FMN2: variants seen among roughly 807,000 people sequenced by gnomAD.
FMN2 encodes the protein formin 2, also known as formin-2.
FMN2 carries 51 observed loss-of-function variants against 142.3 expected under a neutral mutation model. That is an observed-to-expected ratio of 0.36 (90% confidence interval 0.29 to 0.45). FMN2 has a LOEUF of 0.45. Ranked by LOEUF, FMN2 falls within the 20% of genes least tolerant of loss-of-function variation. The pLI, the probability that FMN2 is intolerant of heterozygous loss-of-function variation, is 1.00. For synonymous variants in FMN2, 882 were observed against 869.8 expected, an observed-to-expected ratio of 1.01 and a Z score of -0.25; for missense variants, 1,936 against 2,122.8, an observed-to-expected ratio of 0.91 and a Z score of 1.73.
chr1:240,221,918 G>A (rs1292409112), intron 6 of FMN2, among the ~76,000 whole-genome samples: 1 of 147,320 alleles, frequency 6.8e-6, no homozygotes, highest in Non-Finnish European at 1.5e-5. Context: ...CGCAATCTCA[G>A]CTCACTACAA....
At chr1:240,419,857 T>A (rs1047347537) in intron 15 of FMN2, among the ~76,000 whole-genome samples, 1 of 152,166 alleles carries the variant, frequency 6.6e-6, no homozygotes, top group Admixed American at 6.5e-5. Flanking sequence ...CAGCCACCTG[T>A]AGCCTCCTGT....
Position 240,207,657 on chromosome 1 carries a change from C to T in FMN2, c.2845C>T (p.Pro949Ser). 2.0e-6 allele frequency: 3 copies of T among 1,501,344 alleles called. No individual in the cohort carries two copies. The highest frequency in any genetic ancestry group is 4.9e-5 in the East Asian group (2 of 41,204). The allele number at this position is 1,501,344 out of a possible 1,614,324, so 93.0% of individuals were successfully genotyped here. The change falls in exon 5 of 18, where the codon CCC becomes TCC. Residue 949 changes from proline to serine, a missense_variant. Around this residue, in one of 8 missense-constraint regions of FMN2, gnomAD observed 63 missense variants for 86.3 expected, o/e 0.73. Coordinates refer to ENST00000319653, the MANE Select transcript of FMN2 (RefSeq NM_020066.5). ...GAGIPPPPPL[P>S]GAAIPPPPPL... ...GGGAATACCTCCTCCGCCCCCTCTA[C>T]CCGGAGCGGCAATACCCCCTCCGCC...
Position 240,207,546 on chromosome 1 carries a change from C to T in FMN2, c.2734C>T (p.Pro912Ser), listed in dbSNP as rs186784023. The T allele has an allele frequency of 6.2e-7, 1 of 1,612,966 alleles. No homozygotes were observed. The highest frequency in any genetic ancestry group is 8.5e-7 in the Non-Finnish European group (1 of 1,179,736). ...LQGTEMLPPPPPPLPGAGIPP... is the reference protein window; with the variant it reads ...LQGTEMLPPPSPPLPGAGIPP... Reference sequence around the variant, plus strand: ...GGGTACAGAAATGCTGCCACCCCCTCCCCCTCCTCTTCCCGGAGCGGGCAT... The same window carrying T: ...GGGTACAGAAATGCTGCCACCCCCTTCCCCTCCTCTTCCCGGAGCGGGCAT... Residue 912 changes from proline to serine, a missense_variant, in exon 5 of 18, where the codon CCC becomes TCC. Around this residue, in one of 8 missense-constraint regions of FMN2, gnomAD observed 478 missense variants for 462.8 expected, o/e 1.03. Transcript: ENST00000319653.
intron 2 of FMN2, among the ~76,000 whole-genome samples, chr1:240,175,129 G>A (rs1461161251): frequency 6.6e-6 from 1 of 152,114 alleles, no homozygotes; most frequent in Non-Finnish European, 1.5e-5. Flanking sequence ...TGTCCTCCAG[G>A]TTCATCCATG....
intron 8 of FMN2, among the ~76,000 whole-genome samples, chr1:240,314,871 C>T (rs893116192): frequency 1.3e-5 from 2 of 152,166 alleles, no homozygotes; most frequent in Non-Finnish European, 2.9e-5. Flanking sequence ...TGATCTGCCT[C>T]GTTTGTCTCT....
chr1:240,380,176 A>T (rs899144532), intron 14 of FMN2, among the ~76,000 whole-genome samples: 25 of 152,176 alleles, frequency 1.6e-4, no homozygotes, highest in African/African-American at 5.8e-4. Flanking sequence ...TCAACAGAAC[A>T]TATATTTTTT....
intron 14 of FMN2, among the ~76,000 whole-genome samples, chr1:240,360,978 G>A (rs180954582): frequency 1.3e-4 from 20 of 151,592 alleles, no homozygotes; most frequent in Non-Finnish European, 2.5e-4. Context: ...TTGTGGGGTC[G>A]GGAGAGGGGG....
chr1:240,357,735 G>A (rs1672321845), intron 14 of FMN2, among the ~76,000 whole-genome samples: 1 of 151,804 alleles, frequency 6.6e-6, no homozygotes, highest in Non-Finnish European at 1.5e-5. Flanking sequence ...AGCCTCCCGA[G>A]TAGCTGCAAT....
At chr1:240,354,924 A>G (rs916561124) in intron 13 of FMN2, among the ~76,000 whole-genome samples, 4 of 151,872 alleles carry the variant, frequency 2.6e-5, no homozygotes, top group African/African-American at 9.7e-5. Flanking sequence ...TGTACTTTTC[A>G]TTGTTGAATT....
At chr1:240,388,653 G>A (rs1572257563) in intron 14 of FMN2, among the ~76,000 whole-genome samples, 1 of 152,154 alleles carries the variant, frequency 6.6e-6, no homozygotes, top group African/African-American at 2.4e-5. Context: ...CCTCAGGTCA[G>A]GAGTTCGAGA....
chr1:240,357,896 C>T lies in FMN2; in HGVS notation c.4858+1988C>T, dbSNP rs138152760. 1.9e-3 allele frequency among the ~76,000 whole-genome samples: 286 copies of T among 152,236 alleles called. 1 individual carries two copies. The highest frequency in any genetic ancestry group is 6.2e-3 in the African/African-American group (257 of 41,552). On this transcript the variant is annotated intron_variant, in intron 14 of 17. Transcript: ENST00000319653. ...TGCTGGGATTACAGGCGTGGGCCACCGAGCCCAGCCAGGAAGATCTTTTAA... is the reference window on the plus strand; with the variant it reads ...TGCTGGGATTACAGGCGTGGGCCACTGAGCCCAGCCAGGAAGATCTTTTAA...
intron 2 of FMN2, among the ~76,000 whole-genome samples, chr1:240,176,329 G>C (rs950822791): frequency 2.0e-5 from 3 of 152,176 alleles, no homozygotes; most frequent in Admixed American, 6.5e-5. Flanking sequence ...GTTTGCACAA[G>C]AGCCTATCCA....
At chr1:240,118,733 G>C (rs1371611673) in intron 1 of FMN2, among the ~76,000 whole-genome samples, 1 of 152,128 alleles carries the variant, frequency 6.6e-6, no homozygotes, top group African/African-American at 2.4e-5. Flanking sequence ...TCTCGGGCGA[G>C]GTATCCTCCT....
intron 2 of FMN2, among the ~76,000 whole-genome samples, chr1:240,172,354 A>G (rs1035129728): frequency 3.3e-5 from 5 of 152,150 alleles, no homozygotes; most frequent in Admixed American, 6.5e-5. Flanking sequence ...AAGAGCACAG[A>G]AAGATTTAGT....
At chr1:240,252,015 TCTC>T (rs1270128664) in intron 6 of FMN2, among the ~76,000 whole-genome samples, 1 of 152,146 alleles carries the variant, frequency 6.6e-6, no homozygotes, top group Non-Finnish European at 1.5e-5. Context: ...TTAAAGCAGT[TCTC>T]CTGCCTCAGC....
chr1:240,214,367 T>A (rs1558370671), intron 6 of FMN2, among the ~76,000 whole-genome samples: 1 of 151,422 alleles, frequency 6.6e-6, no homozygotes, highest in African/African-American at 2.4e-5. Flanking sequence ...CTGGCTAACA[T>A]GTAGAAACCC....
chr1:240,092,982 G>A lies in FMN2; in HGVS notation c.873G>A (p.Gln291=). ...TGGCCGCCGAGCCCCGGGAGCCCCA[G>A]CAACCGCCGTCCCCCGGCGGCCTCC... ...ESLAAEPREP[Q]QPPSPGGLPV... Residue 291 remains glutamine, a synonymous_variant, in exon 1 of 18, where the codon CAG becomes CAA. Transcript: ENST00000319653. 2.8e-6 allele frequency: 4 copies of A among 1,406,960 alleles called. No homozygotes were observed. Among genetic ancestry groups the A allele is most frequent in the Non-Finnish European group, 2.8e-6 (3 of 1,089,550 alleles). The allele number at this position is 1,406,960 out of a possible 1,614,324, so 87.2% of individuals were successfully genotyped here.
intron 3 of FMN2, among the ~76,000 whole-genome samples, chr1:240,187,269 CAAAA>C (rs10610560): frequency 0.27 from 22,154 of 83,408 alleles, 1,644 homozygotes; most frequent in Middle Eastern, 0.39. Context: ...AACTCCATCT[CAAAA>C]AAAAAAAAAA....
chr1:240,153,452 C>T (rs1161205303), intron 2 of FMN2, among the ~76,000 whole-genome samples: 1 of 148,234 alleles, frequency 6.7e-6, no homozygotes, highest in African/African-American at 2.5e-5. Context: ...CCTTAACCTC[C>T]TGGGCTGAAG....
Sources: allele counts gnomAD v4.1 joint callset (sites outside exome capture counted in the v4.1 genomes callset), GRCh38; gene constraint gnomAD v4.1.1; regional missense constraint gnomAD v4.1.1; transcripts MANE v1.5; gene names NCBI Gene and HGNC (gene_info 2026-07-23, HGNC 2026-07-21).